SLC5A10: variants seen among roughly 807,000 people sequenced by gnomAD.
The protein encoded by SLC5A10 is sodium/mannose cotransporter SLC5A10.
Under a neutral mutation model 68.9 loss-of-function variants are expected in SLC5A10, and 55 were observed. The observed-to-expected ratio is 0.80, with a 90% confidence interval of 0.64 to 1.00. The LOEUF (loss-of-function observed/expected upper bound fraction) is 1.00, where lower values mean the gene tolerates loss of function less well. SLC5A10 is among the 50% of genes least tolerant of loss of function. SLC5A10 has a pLI of 0.00. For missense variants in SLC5A10, 732 were observed against 819.3 expected (o/e 0.89, Z 1.30); for synonymous variants, 344 against 344.8 (o/e 1.00, Z 0.02).
chr17:18,969,016 A>C, intron 5 of SLC5A10, 36 bp from the exon 6 acceptor site: 12 of 1,585,384 alleles, frequency 7.6e-6, no homozygotes, highest in Non-Finnish European at 9.4e-6. Flanking sequence ...GAGCCCTGGG[A>C]ATAACAGTCC....
At chr17:19,012,757 C>G (rs1379454416) in intron 9 of SLC5A10, among the ~76,000 whole-genome samples, 2 of 152,188 alleles carry the variant, frequency 1.3e-5, no homozygotes, top group African/African-American at 2.4e-5. Context: ...CAGCTCAGCT[C>G]TCTGCAGCAG....
At chr17:19,001,023 A>C (rs990401628) in intron 9 of SLC5A10, among the ~76,000 whole-genome samples, 4 of 152,164 alleles carry the variant, frequency 2.6e-5, no homozygotes, top group African/African-American at 9.7e-5. Context: ...AGTTTGAGGG[A>C]AACACAGGCC....
chr17:19,019,944 CCCCTGA>C lies in SLC5A10; in HGVS notation c.1626+26_1626+31del. The C allele has an allele frequency of 6.3e-7, 1 of 1,587,260 alleles. No individual in the cohort carries two copies. The highest frequency in any genetic ancestry group is 8.6e-7 in the Non-Finnish European group (1 of 1,167,082). ...GAGTGTCCAGGTGAGCCAGCCCTGA[CCCCTGA>C]CCCTGACCCCTAACAATTTCTTACT... On this transcript the variant is annotated intron_variant, in intron 13 of 14. Transcript: ENST00000395645.
intron 9 of SLC5A10, among the ~76,000 whole-genome samples, chr17:18,983,121 GT>G (rs2043180103): frequency 6.6e-6 from 1 of 152,250 alleles, no homozygotes; most frequent in Non-Finnish European, 1.5e-5. Context: ...TGGGTGGGTG[GT>G]TGGTGGGCTC....
chr17:18,954,722 C>T (rs1367943821), intron 1 of SLC5A10, among the ~76,000 whole-genome samples: 1 of 152,176 alleles, frequency 6.6e-6, no homozygotes, highest in African/African-American at 2.4e-5. Context: ...CCTTTGCATT[C>T]ATTAAAGTAT....
At position 19,003,902 on chromosome 17, in the gene SLC5A10, T is replaced by C. The variant is rs767000883; in HGVS notation, c.983-9508T>C. ...GATGTTCTCCCGCTTGAGCACCTCG[T>C]AGAAGGCGTCCCGGCCGCGGGCCAC... On this transcript the variant is annotated intron_variant, in intron 9 of 14. Transcript: ENST00000395645. The surrounding 1 kb of genome is among the most constrained non-coding windows in gnomAD (Gnocchi z 4.5). The C allele has an allele frequency of 1.2e-6, 2 of 1,612,916 alleles. No homozygotes were observed. Among genetic ancestry groups the C allele is most frequent in the Non-Finnish European group, 8.5e-7 (1 of 1,179,922 alleles).
rs560635447 is a variant in SLC5A10, at chr17:18,972,984, G to C, written c.846+1766G>C. Among the ~76,000 whole-genome samples, 252 of 152,232 alleles carry C rather than the reference G, an allele frequency of 1.7e-3. 2 individuals carry two copies. Among genetic ancestry groups the C allele is most frequent in the Non-Finnish European group, 3.0e-3 (204 of 68,002 alleles). On this transcript the variant is annotated intron_variant, in intron 8 of 14. Transcript: ENST00000395645. ...CCTCAAGCAGGGCCCCTCATGCTCC[G>C]GCATGCTGTGCTCACAAGCTGCCCA...
chr17:18,984,496 C>T (rs1331628333), intron 9 of SLC5A10, among the ~76,000 whole-genome samples: 2 of 152,204 alleles, frequency 1.3e-5, no homozygotes, highest in Non-Finnish European at 1.5e-5. Context: ...GAGGCCTGAG[C>T]GGCAGCGATC....
chr17:19,006,053 G>C (rs2043881404), intron 9 of SLC5A10, among the ~76,000 whole-genome samples: 1 of 152,158 alleles, frequency 6.6e-6, no homozygotes, highest in Non-Finnish European at 1.5e-5. Context: ...TTCAGGAAGG[G>C]AGTCCAAGGC....
At chr17:18,988,047 G>A (rs1044725578) in intron 9 of SLC5A10, among the ~76,000 whole-genome samples, 66 of 152,356 alleles carry the variant, frequency 4.3e-4, no homozygotes, top group Admixed American at 3.3e-3. Flanking sequence ...TCTCTGCCAC[G>A]TTGGAGGTAG....
chr17:19,019,352 G>C, intron 11 of SLC5A10, 71 bp from the exon 12 acceptor site: 1 of 1,539,368 alleles, frequency 6.5e-7, no homozygotes, highest in Non-Finnish European at 8.7e-7. Flanking sequence ...AAGTCTTAGT[G>C]ACCAGGGGAG....
intron 7 of SLC5A10, 67 bp from the exon 8 acceptor site, chr17:18,970,946 G>C (rs373804510): frequency 1.2e-4 from 176 of 1,485,924 alleles, no homozygotes; most frequent in Admixed American, 7.6e-4. Context: ...ATGAAGGCAG[G>C]GGGGAGCCCA....
At chr17:19,008,797 C>CATTATT (rs1452725812) in intron 9 of SLC5A10, among the ~76,000 whole-genome samples, 5 of 144,128 alleles carry the variant, frequency 3.5e-5, no homozygotes, top group African/African-American at 1.0e-4. Flanking sequence ...CCGTGCCTGG[C>CATTATT]ATTATTATTA....
chr17:19,019,577 C>T lies in SLC5A10; in HGVS notation c.1396C>T (p.Arg466Cys), dbSNP rs768484267. 11 of 1,611,470 alleles carry T rather than the reference C, an allele frequency of 6.8e-6. No individual in the cohort carries two copies. The highest frequency in any genetic ancestry group is 2.7e-5 in the African/African-American group (2 of 74,920). Residue 466 changes from arginine (R) to cysteine (C), a missense_variant, in exon 12 of 15, where the codon CGT becomes TGT. Physicochemically the swap from Arg to Cys is radical, Grantham distance 180. Transcript: ENST00000395645. ...CTTTGTCCTGGGCGTCTTCTGGCGA[C>T]GTGCCAACGAGCAGGTGGGCGTCGG... is the stretch of plus-strand genomic sequence containing the variant. ...AVFVLGVFWR[R>C]ANEQGAFWGL...
At chr17:19,014,499 G>A (rs1444224883) in intron 10 of SLC5A10, among the ~76,000 whole-genome samples, 1 of 152,142 alleles carries the variant, frequency 6.6e-6, no homozygotes, top group African/African-American at 2.4e-5. Flanking sequence ...CCAGAGACTG[G>A]GGCACTGCAT....
At chr17:18,990,284 T>C (rs1436358314) in intron 9 of SLC5A10, among the ~76,000 whole-genome samples, 1 of 152,266 alleles carries the variant, frequency 6.6e-6, no homozygotes, top group South Asian at 2.1e-4. Context: ...GAAGACACGA[T>C]GCAGGCAGGT....
In SLC5A10 at chr17:19,000,756, C is replaced by A. The variant is rs558228631; in HGVS notation, c.983-12654C>A. Among the ~76,000 whole-genome samples, 1 of 152,264 alleles carries A rather than the reference C, an allele frequency of 6.6e-6. No homozygotes were observed. The highest frequency in any genetic ancestry group is 1.5e-5 in the Non-Finnish European group (1 of 67,988). On this transcript the variant is annotated intron_variant, in intron 9 of 14. Coordinates refer to ENST00000395645, the MANE Select transcript of SLC5A10 (RefSeq NM_001042450.4). This position sits in a 1 kb window ranked among gnomAD's most constrained non-coding sequence, Gnocchi z 5.2. ...CAGGCAGAGTTCTCCCTACACAATA[C>A]CAGAGTGAGAAGGGGAGGTGGAAGC...
At chr17:18,993,067 G>T (rs886283) in intron 9 of SLC5A10, among the ~76,000 whole-genome samples, 1 of 152,104 alleles carries the variant, frequency 6.6e-6, no homozygotes, top group African/African-American at 2.4e-5. Context: ...GGGGTGGGGC[G>T]AGACGGGCTG....
chr17:18,955,338 G>T (rs1436997064), intron 1 of SLC5A10, among the ~76,000 whole-genome samples: 1 of 152,130 alleles, frequency 6.6e-6, no homozygotes, highest in Non-Finnish European at 1.5e-5. Context: ...CTTGCTAGAT[G>T]GGTGTGTTTT....
Sources: gnomAD v4.1 joint callset for allele counts (sites outside exome capture counted in the v4.1 genomes callset) on GRCh38, gnomAD v4.1.1 for gene constraint, Gnocchi (gnomAD v3.1) non-coding constraint, MANE v1.5 for transcripts, NCBI Gene and HGNC (gene_info 2026-07-23, HGNC 2026-07-21) for gene names.